The following SCHIP1 variants were observed in gnomAD, a reference collection of about 807,000 sequenced individuals.
The protein encoded by SCHIP1 is schwannomin interacting protein 1.
In SCHIP1, 8 loss-of-function variants were observed where a neutral mutation model predicts 29.7. That is an observed-to-expected ratio of 0.27 (90% confidence interval 0.16 to 0.49). The LOEUF is 0.49. Ranked by LOEUF, SCHIP1 falls within the 20% of genes least tolerant of loss-of-function variation. SCHIP1 has a pLI of 0.99. For missense variants in SCHIP1, 193 were observed against 294.6 expected (o/e 0.66, Z 2.52); for synonymous variants, 76 against 94.9 (o/e 0.80, Z 1.16).
the SCHIP1 span, among the ~76,000 whole-genome samples, chr3:159,432,326 G>GA: frequency 9.2e-5 from 10 of 108,110 alleles, no homozygotes; most frequent in African/African-American, 2.8e-4. Flanking sequence ...GTGTGTGTGT[G>GA]TGTGTGTGTG....
chr3:159,690,108 C>CA, the SCHIP1 span, among the ~76,000 whole-genome samples: 2 of 152,038 alleles, frequency 1.3e-5, no homozygotes, highest in African/African-American at 4.8e-5. Context: ...ATGCTGGCCT[C>CA]AAAAAATGAG....
the SCHIP1 span, among the ~76,000 whole-genome samples, chr3:159,469,104 C>A: frequency 6.6e-6 from 1 of 151,992 alleles, no homozygotes; most frequent in South Asian, 2.1e-4. Flanking sequence ...GAATTATCAA[C>A]AACTGTGGTC....
At chr3:159,478,454 G>T in the SCHIP1 span, among the ~76,000 whole-genome samples, 1 of 152,148 alleles carries the variant, frequency 6.6e-6, no homozygotes, top group African/African-American at 2.4e-5. Context: ...CTGTTTTTAT[G>T]CCAGTACCAT....
At chr3:159,452,000 T>C in the SCHIP1 span, among the ~76,000 whole-genome samples, 1 of 152,156 alleles carries the variant, frequency 6.6e-6, no homozygotes, top group Admixed American at 6.5e-5. Context: ...ATGAAGATGA[T>C]GACACAAAGA....
chr3:159,504,273 T>G, the SCHIP1 span, among the ~76,000 whole-genome samples: 1 of 152,202 alleles, frequency 6.6e-6, no homozygotes, highest in Non-Finnish European at 1.5e-5. Flanking sequence ...GAAGAAATGA[T>G]GTAAGGAGCT....
chr3:159,358,870 A>G, the SCHIP1 span, among the ~76,000 whole-genome samples: 1 of 150,378 alleles, frequency 6.6e-6, no homozygotes, highest in Non-Finnish European at 1.5e-5. Flanking sequence ...AAATGCAAGC[A>G]TGGTATTGTA....
At chr3:159,333,086 A>C in the SCHIP1 span, among the ~76,000 whole-genome samples, 2 of 152,218 alleles carry the variant, frequency 1.3e-5, no homozygotes, top group Non-Finnish European at 2.9e-5. Context: ...GTACCTGGGA[A>C]ATTATAAGGA....
chr3:159,462,164 G>A, the SCHIP1 span, among the ~76,000 whole-genome samples: 6 of 151,810 alleles, frequency 4.0e-5, no homozygotes, highest in Non-Finnish European at 5.9e-5. Context: ...AGCTGAGATC[G>A]CACCATCACA....
At chr3:159,762,114 C>T in the SCHIP1 span, among the ~76,000 whole-genome samples, 1 of 152,200 alleles carries the variant, frequency 6.6e-6, no homozygotes, top group Non-Finnish European at 1.5e-5. Flanking sequence ...AGGGCCACCT[C>T]CACCCCGCTG....
intron 1 of SCHIP1, among the ~76,000 whole-genome samples, chr3:159,844,836 G>GC (rs1346617401): frequency 1.3e-5 from 2 of 152,070 alleles, no homozygotes; most frequent in African/African-American, 4.8e-5. Flanking sequence ...CCTTATGACC[G>GC]CCCCAGATAT....
the SCHIP1 span, among the ~76,000 whole-genome samples, chr3:159,772,827 G>A: frequency 6.6e-6 from 1 of 152,056 alleles, no homozygotes; most frequent in East Asian, 1.9e-4. Flanking sequence ...TGCAAACTCC[G>A]CCTCCCGGGT....
At chr3:159,821,669 T>TA in the SCHIP1 span, among the ~76,000 whole-genome samples, 2 of 152,240 alleles carry the variant, frequency 1.3e-5, no homozygotes, top group African/African-American at 4.8e-5. Flanking sequence ...ATTTCACAGA[T>TA]AAAAGATTTG....
At chr3:159,344,811 C>T in the SCHIP1 span, among the ~76,000 whole-genome samples, 1 of 152,148 alleles carries the variant, frequency 6.6e-6, no homozygotes, top group Non-Finnish European at 1.5e-5. Context: ...TGTGTCCTTA[C>T]TGGTTTATAA....
chr3:159,322,794 T>C, the SCHIP1 span, among the ~76,000 whole-genome samples: 1 of 152,186 alleles, frequency 6.6e-6, no homozygotes, highest in African/African-American at 2.4e-5. Flanking sequence ...GTGTCTGGCC[T>C]TTCCTGAGGT....
At chr3:159,421,041 A>T in the SCHIP1 span, among the ~76,000 whole-genome samples, 38 of 152,224 alleles carry the variant, frequency 2.5e-4, no homozygotes, top group Non-Finnish European at 4.4e-4. Context: ...TTCATCAAGG[A>T]TGAGACTGAT....
chr3:159,497,355 C>G, the SCHIP1 span, among the ~76,000 whole-genome samples: 1 of 151,954 alleles, frequency 6.6e-6, no homozygotes, highest in Non-Finnish European at 1.5e-5. Context: ...GATAAATGTT[C>G]TATCACATGT....
intron 5 of SCHIP1, among the ~76,000 whole-genome samples, chr3:159,891,846 C>T (rs929756483): frequency 2.0e-5 from 3 of 152,212 alleles, no homozygotes; most frequent in Admixed American, 1.3e-4. Context: ...GTTCTCCTAA[C>T]AGCTAACAAT....
At chr3:159,421,384 A>G in the SCHIP1 span, among the ~76,000 whole-genome samples, 1 of 152,228 alleles carries the variant, frequency 6.6e-6, no homozygotes, top group Non-Finnish European at 1.5e-5. Flanking sequence ...GCTTTCATCA[A>G]GAGGAATCCT....
At chr3:159,394,620 T>C in the SCHIP1 span, among the ~76,000 whole-genome samples, 1 of 151,968 alleles carries the variant, frequency 6.6e-6, no homozygotes, top group Non-Finnish European at 1.5e-5. Context: ...ATTACATTTA[T>C]TGATTTGCGT....
Sources: allele counts gnomAD v4.1 joint callset (sites outside exome capture counted in the v4.1 genomes callset), GRCh38; gene constraint gnomAD v4.1.1; transcripts MANE v1.5; gene names NCBI Gene and HGNC (gene_info 2026-07-23, HGNC 2026-07-21).